CDH13: variants seen among roughly 807,000 people sequenced by gnomAD.
CDH13 encodes the protein cadherin-13.
In CDH13, 24 loss-of-function variants were observed where a neutral mutation model predicts 63.8. The ratio of observed to expected loss-of-function variants is 0.38; its 90% CI spans 0.27 to 0.53. CDH13 has a LOEUF of 0.53. Ranked by LOEUF, CDH13 falls within the 20% of genes least tolerant of loss-of-function variation. The probability of loss-of-function intolerance (pLI) is 0.85; values close to 1 mark genes in which losing one functional copy is unlikely to be tolerated. For missense variants in CDH13, 1,049 were observed against 903.1 expected (o/e 1.16, Z -2.07); for synonymous variants, 503 against 355.3 (o/e 1.42, Z -4.67).
At chr16:83,785,123 G>T (rs540282910) in intron 13 of CDH13, among the ~76,000 whole-genome samples, 2 of 152,202 alleles carry the variant, frequency 1.3e-5, no homozygotes, top group Admixed American at 6.5e-5. Context: ...TGGGCTAAAC[G>T]TTGAGCAGGG....
chr16:83,604,137 T>A (rs975504556), intron 8 of CDH13, among the ~76,000 whole-genome samples: 5 of 152,084 alleles, frequency 3.3e-5, no homozygotes, highest in African/African-American at 1.2e-4. Context: ...CACATCAGCC[T>A]CTTCACCTCG....
intron 2 of CDH13, among the ~76,000 whole-genome samples, chr16:83,006,526 A>G (rs1441293643): frequency 6.6e-6 from 1 of 152,116 alleles, no homozygotes; most frequent in Non-Finnish European, 1.5e-5. Flanking sequence ...TTGACTGCTC[A>G]GTGCAGCCTC....
chr16:83,076,973 A>G (rs573583783), intron 3 of CDH13, among the ~76,000 whole-genome samples: 2 of 152,142 alleles, frequency 1.3e-5, no homozygotes, highest in Non-Finnish European at 2.9e-5. Context: ...CCCCATCAAG[A>G]TAGAAACCAT....
At position 83,394,713 on chromosome 16, in the gene CDH13, T is replaced by C. The variant is rs1278776348; in HGVS notation, c.781+49707T>C. 3.9e-5 allele frequency among the ~76,000 whole-genome samples: 6 copies of C among 152,180 alleles called. No individual in the cohort carries two copies. The East Asian group carries it at 9.7e-4, about 25-fold the overall frequency. On this transcript the variant is annotated intron_variant, in intron 6 of 13. Transcript: ENST00000567109. ...GATGAGAACAAAAGCAAGGCAGCCATTGAGGAGGGTGGGACAGTTACATAG... is the reference window on the plus strand; with the variant it reads ...GATGAGAACAAAAGCAAGGCAGCCACTGAGGAGGGTGGGACAGTTACATAG...
intron 1 of CDH13, among the ~76,000 whole-genome samples, chr16:82,638,607 AG>A (rs1025962439): frequency 6.6e-6 from 1 of 152,114 alleles, no homozygotes; most frequent in Non-Finnish European, 1.5e-5. Context: ...GACTCACTTA[AG>A]GGGGGAAATG....
chr16:83,028,861 T>C (rs1916055396), intron 2 of CDH13, among the ~76,000 whole-genome samples: 1 of 152,184 alleles, frequency 6.6e-6, no homozygotes, highest in African/African-American at 2.4e-5. Context: ...TATTCAGGTT[T>C]TGATAGGATT....
chr16:83,563,847 A>G (rs1345864584), intron 7 of CDH13, among the ~76,000 whole-genome samples: 2 of 152,154 alleles, frequency 1.3e-5, no homozygotes, highest in South Asian at 2.1e-4. Context: ...TGGCACCACT[A>G]CTATCCAGAA....
chr16:83,172,698 C>G (rs1280469495), intron 4 of CDH13, among the ~76,000 whole-genome samples: 1 of 152,006 alleles, frequency 6.6e-6, no homozygotes, highest in Non-Finnish European at 1.5e-5. Context: ...GTGAGACAAT[C>G]AATTTCTGTT....
intron 10 of CDH13, among the ~76,000 whole-genome samples, chr16:83,732,182 C>T (rs1911103504): frequency 6.6e-6 from 1 of 152,192 alleles, no homozygotes; most frequent in Admixed American, 6.5e-5. Flanking sequence ...GATCACACAA[C>T]CGGTGTGATT....
rs1909846002 is a variant in CDH13, at chr16:82,644,533, C to G, written c.45+17396C>G. 6.6e-6 allele frequency among the ~76,000 whole-genome samples: 1 copy of G among 152,184 alleles called. No homozygotes were observed. The highest frequency in any genetic ancestry group is 2.4e-5 in the African/African-American group (1 of 41,450). ...ACAAGGAAAGCAGCCTAGAGCTGGT[C>G]CCCAGACCAGGCCCAGTGCACGAGT... On this transcript the variant is annotated intron_variant, in intron 1 of 13. Transcript: ENST00000567109. This position sits in a 1 kb window ranked among gnomAD's most constrained non-coding sequence, Gnocchi z 5.7.
intron 1 of CDH13, among the ~76,000 whole-genome samples, chr16:82,857,782 T>C (rs778785157): frequency 1.3e-5 from 2 of 152,246 alleles, no homozygotes; most frequent in Non-Finnish European, 1.5e-5. Flanking sequence ...TTTACATTCT[T>C]TTCCTTATTT....
At chr16:83,325,385 C>A (rs1235303229) in intron 5 of CDH13, among the ~76,000 whole-genome samples, 3 of 152,098 alleles carry the variant, frequency 2.0e-5, no homozygotes, top group Non-Finnish European at 4.4e-5. Context: ...TGACATTTCA[C>A]CCCAAATCTT....
chr16:83,457,729 A>C (rs55635830), intron 6 of CDH13, among the ~76,000 whole-genome samples: 27,158 of 152,046 alleles, frequency 0.18, 3,072 homozygotes, highest in South Asian at 0.26. Context: ...AAGACAGGGA[A>C]CCAGCAGGCC....
intron 1 of CDH13, among the ~76,000 whole-genome samples, chr16:82,636,008 G>T (rs1050823805): frequency 2.0e-5 from 3 of 152,078 alleles, no homozygotes; most frequent in African/African-American, 7.2e-5. Context: ...TCTACAGCAT[G>T]CAGAAGCAAG....
At chr16:83,401,074 C>G (rs933262325) in intron 6 of CDH13, among the ~76,000 whole-genome samples, 1 of 152,158 alleles carries the variant, frequency 6.6e-6, no homozygotes, top group Non-Finnish European at 1.5e-5. Flanking sequence ...AATGCAGTGG[C>G]TCACACCTAT....
chr16:82,925,077 C>G (rs575073479), intron 2 of CDH13, among the ~76,000 whole-genome samples: 1 of 152,262 alleles, frequency 6.6e-6, no homozygotes, highest in South Asian at 2.1e-4. Context: ...TCCAAACTTT[C>G]CCTGCCATGA....
chr16:83,272,644 T>C (rs1256277648), intron 5 of CDH13, among the ~76,000 whole-genome samples: 2 of 152,206 alleles, frequency 1.3e-5, no homozygotes, highest in African/African-American at 2.4e-5. Context: ...TAGCAAATCA[T>C]AATCATTTGC....
intron 1 of CDH13, among the ~76,000 whole-genome samples, chr16:82,679,093 A>G (rs1333585123): frequency 1.3e-5 from 2 of 152,220 alleles, no homozygotes; most frequent in Non-Finnish European, 2.9e-5. Flanking sequence ...CACGGTTCCC[A>G]TTATCCATGG....
At chr16:83,533,013 T>C (rs1003686171) in intron 7 of CDH13, among the ~76,000 whole-genome samples, 4 of 152,188 alleles carry the variant, frequency 2.6e-5, no homozygotes, top group African/African-American at 9.6e-5. Context: ...CTAACTACAA[T>C]TGTCAGTCTG....
Sources: allele counts gnomAD v4.1 joint callset (sites outside exome capture counted in the v4.1 genomes callset), GRCh38; gene constraint gnomAD v4.1.1; non-coding constraint Gnocchi (gnomAD v3.1); transcripts MANE v1.5; gene names NCBI Gene and HGNC (gene_info 2026-07-23, HGNC 2026-07-21).